ZNF391: variants seen among roughly 807,000 people sequenced by gnomAD.
ZNF391 encodes the protein zinc finger protein 391.
For missense variants in ZNF391, 375 were observed against 425.5 expected (o/e 0.88, Z 1.04); for synonymous variants, 126 against 142.1 (o/e 0.89, Z 0.80).
At chr6:27,380,545 T>C (rs746702280) in intron 1 of ZNF391, among the ~76,000 whole-genome samples, 13 of 152,262 alleles carry the variant, frequency 8.5e-5, no homozygotes, top group Non-Finnish European at 1.5e-4. Flanking sequence ...ACAACAAACT[T>C]CTACAGTGTG....
At chr6:27,375,506 C>A (rs4562132) in intron 1 of ZNF391, among the ~76,000 whole-genome samples, 109,130 of 152,054 alleles carry the variant, frequency 0.72, 39,318 homozygotes, top group Middle Eastern at 0.82. Flanking sequence ...TTATAACACA[C>A]AAACATTAAA....
Position 27,401,419 on chromosome 6 carries a change from G to A in ZNF391, c.1049G>A (p.Arg350Lys). 6.2e-7 allele frequency: 1 copy of A among 1,610,410 alleles called. No homozygotes were observed. The highest frequency in any genetic ancestry group is 8.5e-7 in the Non-Finnish European group (1 of 1,179,610). Residue 350 changes from arginine (R) to lysine (K), a missense_variant, in exon 3 of 3, where the codon AGA becomes AAA. Transcript: ENST00000244576. ...TTCTGTCAGAGTTCAACTCTGATCAGACATCAGCACCTTCATACTAAAGAG... is the reference window on the plus strand; with the variant it reads ...TTCTGTCAGAGTTCAACTCTGATCAAACATCAGCACCTTCATACTAAAGAG... ...KAFCQSSTLI[R>K]HQHLHTKE
upstream of ZNF391, among the ~76,000 whole-genome samples, chr6:27,384,003 A>G (rs1761545124): frequency 6.6e-6 from 1 of 152,144 alleles, no homozygotes; most frequent in Non-Finnish European, 1.5e-5. Flanking sequence ...AGAATTCTAT[A>G]CTCTGGAAAA....
At chr6:27,386,847 T>C (rs1167607829), upstream of ZNF391, among the ~76,000 whole-genome samples, 1 of 152,152 alleles carries the variant, frequency 6.6e-6, no homozygotes, top group African/African-American at 2.4e-5. Context: ...TTTTCAAGTA[T>C]TGCACAGGTG....
At chr6:27,375,259 A>G (rs1761399053) in intron 1 of ZNF391, 1 of 152,420 alleles carries the variant, frequency 6.6e-6, no homozygotes, top group African/African-American at 2.4e-5. Context: ...TCCGCAGACT[A>G]CATTTCCCAG....
rs56209734 is a variant in ZNF391, at chr6:27,379,613, A to AC, written n.523+4485dup. Among the ~76,000 whole-genome samples, 1,284 of 151,514 alleles carry AC rather than the reference A, an allele frequency of 8.5e-3. 12 individuals carry two copies. The highest frequency in any genetic ancestry group is 0.024 in the African/African-American group (984 of 41,296). On this transcript the variant is annotated intron_variant and non_coding_transcript_variant, in intron 1 of 2. Transcript: ENST00000477999. ...TCCAGGAGAACCCAGTCACCAGGGG[A>AC]CCCCCCCCCATACTTTTGTGAGTTT...
chr6:27,399,971 C>A (rs1040579019), intron 2 of ZNF391, among the ~76,000 whole-genome samples: 1 of 152,146 alleles, frequency 6.6e-6, no homozygotes, highest in Non-Finnish European at 1.5e-5. Context: ...AATCAACTAC[C>A]ATAATAGGTC....
chr6:27,385,533 T>C (rs1363818525), upstream of ZNF391, among the ~76,000 whole-genome samples: 1 of 152,138 alleles, frequency 6.6e-6, no homozygotes, highest in Non-Finnish European at 1.5e-5. Flanking sequence ...AGGAGAGCTA[T>C]CAGGGATAAA....
At chr6:27,378,264 G>A (rs1048803291) in intron 1 of ZNF391, among the ~76,000 whole-genome samples, 35 of 152,152 alleles carry the variant, frequency 2.3e-4, no homozygotes, top group South Asian at 8.3e-4. Context: ...TTTCACTCAC[G>A]TCAGTGTGAA....
At chr6:27,391,490 G>A (rs1287953566) in intron 1 of ZNF391, among the ~76,000 whole-genome samples, 1 of 152,046 alleles carries the variant, frequency 6.6e-6, no homozygotes, top group Non-Finnish European at 1.5e-5. Flanking sequence ...TTAATCCTTA[G>A]GGTTGCATTC....
At chr6:27,394,742 G>A (rs1761788380) in intron 1 of ZNF391, among the ~76,000 whole-genome samples, 1 of 152,196 alleles carries the variant, frequency 6.6e-6, no homozygotes, top group African/African-American at 2.4e-5. Context: ...CAACAACCTG[G>A]GAGAGCAGCA....
chr6:27,395,342 T>C (rs1761801400), intron 1 of ZNF391, among the ~76,000 whole-genome samples: 1 of 151,956 alleles, frequency 6.6e-6, no homozygotes, highest in Admixed American at 6.5e-5. Context: ...TCTCATGAGA[T>C]CTGTTGTGTA....
At chr6:27,388,685 G>A, upstream of ZNF391, 3 of 324,646 alleles carry the variant, frequency 9.2e-6, no homozygotes, top group South Asian at 7.3e-5. Flanking sequence ...GTGAATCCCA[G>A]CACAGCCCTG....
At chr6:27,396,283 G>A (rs192022777) in intron 1 of ZNF391, among the ~76,000 whole-genome samples, 59 of 152,268 alleles carry the variant, frequency 3.9e-4, no homozygotes, top group African/African-American at 1.4e-3. Flanking sequence ...GTAAATGACT[G>A]GATGAAATAG....
At chr6:27,379,564 T>A (rs559595659) in intron 1 of ZNF391, among the ~76,000 whole-genome samples, 2 of 152,210 alleles carry the variant, frequency 1.3e-5, no homozygotes, top group Non-Finnish European at 2.9e-5. Flanking sequence ...TCTCACTTAA[T>A]GTGAATAACT....
At chr6:27,396,766 C>T (rs1438899021) in intron 1 of ZNF391, among the ~76,000 whole-genome samples, 1 of 152,092 alleles carries the variant, frequency 6.6e-6, no homozygotes, top group East Asian at 1.9e-4. Flanking sequence ...CCTTGATTTT[C>T]CAATACATAT....
At chr6:27,391,176 G>T (rs1369847291) in intron 1 of ZNF391, 1 of 146,050 alleles carries the variant, frequency 6.8e-6, no homozygotes, top group South Asian at 2.2e-4. Context: ...AGAGGAGATG[G>T]GATTACTTTG....
chr6:27,398,020 G>A (rs983820555), intron 1 of ZNF391, among the ~76,000 whole-genome samples: 3 of 152,184 alleles, frequency 2.0e-5, no homozygotes, highest in Admixed American at 1.3e-4. Flanking sequence ...CCTGTTTTCA[G>A]TTGAAAGCCA....
chr6:27,389,084 T>C lies in ZNF391; in HGVS notation c.-188+9T>C, dbSNP rs1292110513. The stretch of plus-strand genomic sequence containing the variant: ...AGGGCCCCGGGACCAAGGTGGGTGC[T>C]CTTAGAGGTTCTGGAAAGCGGAAAC... On this transcript the variant is annotated intron_variant, in intron 1 of 2. Coordinates refer to ENST00000244576, the MANE Select transcript of ZNF391 (RefSeq NM_001076781.3). The C allele has an allele frequency of 2.2e-6, 1 of 456,490 alleles. No homozygotes were observed. The highest frequency in any genetic ancestry group is 4.4e-6 in the Non-Finnish European group (1 of 226,918). The allele number at this position is 456,490 out of a possible 1,614,324, so 28.3% of individuals were successfully genotyped here. A position where few individuals can be genotyped will look rare whatever the true frequency, so the allele number is the denominator to read the frequency against.
Sources: allele counts gnomAD v4.1 joint callset (sites outside exome capture counted in the v4.1 genomes callset), GRCh38; gene constraint gnomAD v4.1.1; transcripts MANE v1.5; gene names NCBI Gene and HGNC (gene_info 2026-07-23, HGNC 2026-07-21).